The following GRIN2A variants were observed in gnomAD, a reference collection of about 807,000 sequenced individuals.
GRIN2A encodes glutamate ionotropic receptor NMDA type subunit 2A.
In GRIN2A, 22 loss-of-function variants were observed where a neutral mutation model predicts 113.4. The ratio of observed to expected loss-of-function variants is 0.19; its 90% confidence interval spans 0.14 to 0.28. GRIN2A has a LOEUF of 0.28. Ranked by LOEUF, GRIN2A falls within the 10% of genes least tolerant of loss-of-function variation. The pLI is 1.00. For synonymous variants in GRIN2A, 827 were observed against 738.4 expected (o/e 1.12, Z -1.94); for missense variants, 1,502 against 1,887.0 (o/e 0.80, Z 3.78).
rs140098366 is a variant in GRIN2A, at chr16:9,817,229, C to G, written c.2168+5035G>C. Among the ~76,000 whole-genome samples, 10 of 152,256 alleles carry G rather than the reference C, an allele frequency of 6.6e-5. No individual in the cohort carries two copies. In the East Asian group the frequency reaches 1.7e-3, roughly 26 times the overall value. On this transcript the variant is annotated intron_variant, in intron 10 of 12. Transcript: ENST00000330684. Reference sequence around the variant, plus strand: ...AAAATAGTAGTTCTCAGCTCTGTTGCACAATGAATAGTGTGTTGGACTTCT... The same window carrying G: ...AAAATAGTAGTTCTCAGCTCTGTTGGACAATGAATAGTGTGTTGGACTTCT...
intron 2 of GRIN2A, among the ~76,000 whole-genome samples, chr16:10,119,498 A>G (rs1391236008): frequency 2.4e-4 from 37 of 152,238 alleles, no homozygotes; most frequent in Admixed American, 2.4e-3. Context: ...GATTCAAACA[A>G]ACAAAAGCTT....
rs1038097310 is a variant in GRIN2A, at chr16:10,057,154, G to A, written c.415-118603C>T. Reference sequence around the variant, plus strand: ...CACACATACTTTATTTAGGGTCTATGTGCCAAGTGTTGTTCTGTGTGCTAA... The same window carrying A: ...CACACATACTTTATTTAGGGTCTATATGCCAAGTGTTGTTCTGTGTGCTAA... On this transcript the variant is annotated intron_variant, in intron 2 of 12. Transcript: ENST00000330684. Among the ~76,000 whole-genome samples the A allele has an allele frequency of 3.9e-5, 6 of 152,106 alleles. No homozygotes were observed. The East Asian group carries it at 7.7e-4, about 20-fold the overall frequency.
intron 3 of GRIN2A, among the ~76,000 whole-genome samples, chr16:9,926,030 CA>C (rs893834237): frequency 1.3e-5 from 2 of 152,166 alleles, no homozygotes; most frequent in African/African-American, 4.8e-5. Flanking sequence ...ATTCACTTGA[CA>C]AATGTCATAA....
chr16:9,790,056 C>A (rs1348378724), intron 11 of GRIN2A, among the ~76,000 whole-genome samples: 1 of 152,090 alleles, frequency 6.6e-6, no homozygotes, highest in East Asian at 1.9e-4. Flanking sequence ...TTTTGGAGTC[C>A]ACATTGTTTC....
intron 2 of GRIN2A, among the ~76,000 whole-genome samples, chr16:10,063,274 C>A (rs1266257798): frequency 6.6e-6 from 1 of 152,138 alleles, no homozygotes; most frequent in Non-Finnish European, 1.5e-5. Context: ...ATGCTCACTA[C>A]TTGGATGATG....
chr16:9,876,057 A>C (rs2043359427), intron 4 of GRIN2A, among the ~76,000 whole-genome samples: 1 of 152,004 alleles, frequency 6.6e-6, no homozygotes, highest in African/African-American at 2.4e-5. Context: ...AAACCCCCTC[A>C]TGGCCTTTGG....
chr16:9,807,391 A>G (rs1361519756), intron 10 of GRIN2A, among the ~76,000 whole-genome samples: 11 of 35,392 alleles, frequency 3.1e-4, no homozygotes, highest in Admixed American at 4.2e-4. Flanking sequence ...GGAGGGAGAG[A>G]GGGAGGGAGG....
intron 2 of GRIN2A, among the ~76,000 whole-genome samples, chr16:10,070,389 T>A (rs572338128): frequency 6.6e-6 from 1 of 152,232 alleles, no homozygotes; most frequent in Non-Finnish European, 1.5e-5. Context: ...CTTGCTGAAC[T>A]GGAATCTGCA....
chr16:9,949,875 G>A (rs765332313), intron 2 of GRIN2A, among the ~76,000 whole-genome samples: 1 of 152,128 alleles, frequency 6.6e-6, no homozygotes, highest in Non-Finnish European at 1.5e-5. Context: ...TGAGTTAGTA[G>A]CACAGTGATG....
intron 2 of GRIN2A, among the ~76,000 whole-genome samples, chr16:10,036,465 T>C (rs1195754389): frequency 2.8e-5 from 3 of 106,658 alleles, no homozygotes; most frequent in South Asian, 3.5e-4. Context: ...TTTTTTTTTT[T>C]TTTTTTTTTT....
rs150604332 is a variant in GRIN2A, at chr16:9,991,023, C to T, written c.415-52472G>A. Among the ~76,000 whole-genome samples the T allele has an allele frequency of 9.3e-4, 142 of 152,040 alleles. 1 individual carries two copies. In the East Asian group the frequency reaches 0.012, roughly 13 times the overall value. On this transcript the variant is annotated intron_variant, in intron 2 of 12. Transcript: ENST00000330684. ...CAGAGGTTGCAGTGAGCTGAGATCA[C>T]GCCACTACACTCCAGCCTGGGTGAC...
At chr16:9,775,529 C>A (rs534717914) in intron 11 of GRIN2A, among the ~76,000 whole-genome samples, 1 of 152,094 alleles carries the variant, frequency 6.6e-6, no homozygotes, top group African/African-American at 2.4e-5. Flanking sequence ...CCAGTAGTTA[C>A]GGCAAAATGA....
At chr16:9,891,156 C>A (rs1455176730) in intron 3 of GRIN2A, 56 bp from the exon 4 acceptor site, 2 of 975,138 alleles carry the variant, frequency 2.1e-6, no homozygotes, top group Admixed American at 1.7e-5. Context: ...AGCAATCGAA[C>A]AAATAAGTGG....
At chr16:9,790,499 A>T (rs1902541426) in intron 11 of GRIN2A, among the ~76,000 whole-genome samples, 3 of 152,230 alleles carry the variant, frequency 2.0e-5, no homozygotes, top group African/African-American at 7.2e-5. Context: ...TGCACATATT[A>T]AATATGTGCA....
intron 2 of GRIN2A, among the ~76,000 whole-genome samples, chr16:10,006,614 A>G (rs1261124294): frequency 6.6e-6 from 1 of 152,160 alleles, no homozygotes; most frequent in Non-Finnish European, 1.5e-5. Flanking sequence ...TCAAGCATTC[A>G]TCATTTCTTT....
chr16:9,800,846 T>C (rs1162650301), intron 10 of GRIN2A, among the ~76,000 whole-genome samples: 1 of 152,034 alleles, frequency 6.6e-6, no homozygotes, highest in Non-Finnish European at 1.5e-5. Context: ...TGACAGCAAG[T>C]CAAGAGGAAC....
intron 5 of GRIN2A, among the ~76,000 whole-genome samples, chr16:9,842,235 G>C (rs943950623): frequency 2.7e-5 from 4 of 149,810 alleles, no homozygotes; most frequent in African/African-American, 1.0e-4. Flanking sequence ...TGGGTGACAA[G>C]AGTGAAACTC....
intron 2 of GRIN2A, among the ~76,000 whole-genome samples, chr16:10,015,544 C>T (rs185286330): frequency 3.3e-5 from 5 of 152,212 alleles, no homozygotes; most frequent in East Asian, 1.9e-4. Flanking sequence ...ATTCCGAATG[C>T]GCTTTAAATT....
chr16:9,828,695 C>T (rs2042431880), intron 9 of GRIN2A, among the ~76,000 whole-genome samples: 1 of 152,164 alleles, frequency 6.6e-6, no homozygotes, highest in African/African-American at 2.4e-5. Context: ...GCTACTCAAA[C>T]CCTGCAACCC....
Sources: allele counts gnomAD v4.1 joint callset (sites outside exome capture counted in the v4.1 genomes callset), GRCh38; gene constraint gnomAD v4.1.1; transcripts MANE v1.5; gene names NCBI Gene and HGNC (gene_info 2026-07-23, HGNC 2026-07-21).